Variants in TENM2 observed in about 807,000 individuals in gnomAD.
TENM2 encodes the protein teneurin-2.
A neutral mutation model predicts 245.2 loss-of-function variants in TENM2; 52 were observed. That is an observed-to-expected ratio of 0.21 (90% CI 0.17 to 0.27). TENM2 has a LOEUF of 0.27. Among genes scored for constraint, TENM2 ranks in the 10% least tolerant of loss-of-function variants. The pLI, the probability that TENM2 is intolerant of heterozygous loss-of-function variation, is 1.00. For missense variants in TENM2, 3,046 were observed against 3,666.8 expected, an observed-to-expected ratio of 0.83 and a Z score of 4.37; for synonymous variants, 1,363 against 1,438.9, an observed-to-expected ratio of 0.95 and a Z score of 1.19.
intron 2 of TENM2, among the ~76,000 whole-genome samples, chr5:167,649,216 C>G (rs1180992098): frequency 6.6e-6 from 1 of 152,152 alleles, no homozygotes; most frequent in African/African-American, 2.4e-5. Context: ...GCAACACAAC[C>G]TTGATTTGTA....
intron 2 of TENM2, among the ~76,000 whole-genome samples, chr5:167,596,183 G>A (rs1776196151): frequency 6.6e-6 from 1 of 152,186 alleles, no homozygotes; most frequent in African/African-American, 2.4e-5. Flanking sequence ...CTAATTAGGT[G>A]TCAGACCGTT....
chr5:167,731,739 G>A (rs1264717205), intron 2 of TENM2, among the ~76,000 whole-genome samples: 1 of 115,734 alleles, frequency 8.6e-6, no homozygotes, highest in Non-Finnish European at 1.8e-5. Flanking sequence ...CTATTTGCTT[G>A]CCTCCAAATG....
chr5:167,862,832 T>C (rs774819341), intron 2 of TENM2, among the ~76,000 whole-genome samples: 2 of 152,208 alleles, frequency 1.3e-5, no homozygotes, highest in Admixed American at 1.3e-4. Flanking sequence ...CTCGACCCAA[T>C]TGTTGATCTC....
chr5:167,488,969 A>G (rs774807401), intron 2 of TENM2, among the ~76,000 whole-genome samples: 4 of 152,052 alleles, frequency 2.6e-5, no homozygotes, highest in Non-Finnish European at 4.4e-5. Context: ...CCACCACTTC[A>G]TATCCAATTC....
At chr5:167,714,211 T>C (rs1265086301) in intron 2 of TENM2, among the ~76,000 whole-genome samples, 1 of 152,186 alleles carries the variant, frequency 6.6e-6, no homozygotes, top group Non-Finnish European at 1.5e-5. Flanking sequence ...CCTCTTACTT[T>C]GTTGTGAAGG....
chr5:167,846,917 C>T (rs1269917302), intron 2 of TENM2, among the ~76,000 whole-genome samples: 1 of 152,022 alleles, frequency 6.6e-6, no homozygotes, highest in Non-Finnish European at 1.5e-5. Flanking sequence ...ATCAGAGAAT[C>T]TTCCTTTTGG....
chr5:167,569,850 C>A lies in TENM2; in HGVS notation c.502+194377C>A, dbSNP rs570653749. Among the ~76,000 whole-genome samples, 10 of 152,162 alleles carry A rather than the reference C, an allele frequency of 6.6e-5. No homozygotes were observed. The South Asian group carries it at 2.1e-3, about 32-fold the overall frequency. ...GAGTAAAAGAATTTGACCCATGTTC[C>A]ACAATTAGGAAACAAATTTCAGGGT... On this transcript the variant is annotated intron_variant, in intron 2 of 28. Coordinates refer to ENST00000518659, the Ensembl canonical transcript of TENM2.
intron 2 of TENM2, among the ~76,000 whole-genome samples, chr5:167,804,990 G>T (rs1766046027): frequency 6.6e-6 from 1 of 152,174 alleles, no homozygotes; most frequent in Non-Finnish European, 1.5e-5. Context: ...ACAGTGCATG[G>T]ACACGCTACA....
chr5:167,894,556 C>G (rs1241518820), intron 3 of TENM2, among the ~76,000 whole-genome samples: 1 of 152,092 alleles, frequency 6.6e-6, no homozygotes, highest in African/African-American at 2.4e-5. Flanking sequence ...AATCTTTCCC[C>G]CTATCTTTCC....
intron 7 of TENM2, among the ~76,000 whole-genome samples, chr5:168,080,762 G>T (rs1182628659): frequency 6.6e-6 from 1 of 152,230 alleles, no homozygotes; most frequent in East Asian, 1.9e-4. Flanking sequence ...TCTTAATCCT[G>T]AATTCTAGTT....
chr5:167,153,676 T>A, the TENM2 span, among the ~76,000 whole-genome samples: 1 of 151,966 alleles, frequency 6.6e-6, no homozygotes, highest in Admixed American at 6.5e-5. Context: ...AATATATATA[T>A]ATATATACAC....
intron 2 of TENM2, among the ~76,000 whole-genome samples, chr5:167,574,803 T>C (rs1313825980): frequency 6.6e-6 from 1 of 152,190 alleles, no homozygotes; most frequent in East Asian, 1.9e-4. Flanking sequence ...GGATCCTAAA[T>C]GTGGAATACA....
At chr5:167,882,357 A>T (rs1253248676) in intron 3 of TENM2, among the ~76,000 whole-genome samples, 1 of 152,174 alleles carries the variant, frequency 6.6e-6, no homozygotes, top group African/African-American at 2.4e-5. Context: ...TGCTCTGACA[A>T]GTCTTGGAAC....
chr5:167,899,503 C>T (rs978546562), intron 3 of TENM2, among the ~76,000 whole-genome samples: 1 of 152,236 alleles, frequency 6.6e-6, no homozygotes, highest in African/African-American at 2.4e-5. Flanking sequence ...AATTCAACAA[C>T]AACTCTCCAA....
At chr5:167,901,749 C>T (rs554230716) in intron 3 of TENM2, among the ~76,000 whole-genome samples, 6 of 152,270 alleles carry the variant, frequency 3.9e-5, no homozygotes, top group South Asian at 2.1e-4. Context: ...GCTGGCACAT[C>T]GCAATTTTTA....
chr5:167,500,865 G>T (rs560933100), intron 2 of TENM2, among the ~76,000 whole-genome samples: 2 of 152,236 alleles, frequency 1.3e-5, no homozygotes, highest in African/African-American at 4.8e-5. Context: ...GGAGAGGGAA[G>T]AACAATACCG....
intron 2 of TENM2, among the ~76,000 whole-genome samples, chr5:167,780,070 G>A (rs931135761): frequency 1.2e-4 from 19 of 152,278 alleles, no homozygotes; most frequent in African/African-American, 3.9e-4. Flanking sequence ...GTGACACTCC[G>A]GGTGACTCTA....
chr5:168,184,144 C>T (rs1319066598), intron 13 of TENM2, among the ~76,000 whole-genome samples: 1 of 152,218 alleles, frequency 6.6e-6, no homozygotes, highest in Non-Finnish European at 1.5e-5. Context: ...TGTTCTTGAA[C>T]ATCCTATCGA....
chr5:167,033,627 T>C, the TENM2 span, among the ~76,000 whole-genome samples: 1 of 152,218 alleles, frequency 6.6e-6, no homozygotes, highest in African/African-American at 2.4e-5. Flanking sequence ...TTATAGTAAT[T>C]TTGTACAGTC....
Sources: allele counts gnomAD v4.1 joint callset (sites outside exome capture counted in the v4.1 genomes callset), GRCh38; gene constraint gnomAD v4.1.1; transcripts MANE v1.5; gene names NCBI Gene and HGNC (gene_info 2026-07-23, HGNC 2026-07-21).